The following SENP5 variants were observed in gnomAD, a reference collection of about 807,000 sequenced individuals.
The protein encoded by SENP5 is sentrin-specific protease 5.
SENP5 carries 21 observed loss-of-function variants against 74.2 expected under a neutral mutation model. The observed-to-expected ratio is 0.28, with a 90% CI of 0.20 to 0.41. The LOEUF is 0.41. SENP5 is among the 10% of genes least tolerant of loss of function. The pLI is 1.00. For synonymous variants in SENP5, 311 were observed against 312.7 expected (o/e 0.99, Z 0.06); for missense variants, 717 against 889.1 (o/e 0.81, Z 2.46).
intron 1 of SENP5, among the ~76,000 whole-genome samples, chr3:196,879,765 AGTT>A (rs1253751496): frequency 2.6e-5 from 4 of 151,992 alleles, no homozygotes; most frequent in Non-Finnish European, 5.9e-5. Context: ...CTTTTTTGTT[AGTT>A]GTTATGTTAG....
At chr3:196,909,372 A>G (rs1715030034) in intron 6 of SENP5, among the ~76,000 whole-genome samples, 1 of 152,246 alleles carries the variant, frequency 6.6e-6, no homozygotes, top group African/African-American at 2.4e-5. Context: ...AAACTATTTC[A>G]TAACAATTGA....
At chr3:196,926,539 T>A (rs1715819981) in intron 7 of SENP5, among the ~76,000 whole-genome samples, 1 of 152,026 alleles carries the variant, frequency 6.6e-6, no homozygotes, top group African/African-American at 2.4e-5. Flanking sequence ...TGAAGTTACT[T>A]CTTTAGAGGG....
intron 1 of SENP5, among the ~76,000 whole-genome samples, chr3:196,875,640 G>A (rs941492783): frequency 3.3e-5 from 5 of 152,104 alleles, no homozygotes; most frequent in Non-Finnish European, 7.4e-5. Context: ...TTTCTTCAGA[G>A]AAAAAATAAT....
chr3:196,922,515 T>C (rs1279757419), intron 6 of SENP5, among the ~76,000 whole-genome samples: 2 of 152,160 alleles, frequency 1.3e-5, no homozygotes, highest in Non-Finnish European at 2.9e-5. Flanking sequence ...AGAGGTGTGA[T>C]CATGGCTCAC....
At chr3:196,904,290 G>T (rs1342088925) in intron 6 of SENP5, among the ~76,000 whole-genome samples, 1 of 152,208 alleles carries the variant, frequency 6.6e-6, no homozygotes, top group Non-Finnish European at 1.5e-5. Flanking sequence ...TCTTTGAAGA[G>T]ATCCCATTTC....
intron 2 of SENP5, among the ~76,000 whole-genome samples, chr3:196,890,867 G>A (rs1714172206): frequency 6.6e-6 from 1 of 152,150 alleles, no homozygotes; most frequent in Non-Finnish European, 1.5e-5. Context: ...TAAAATTATA[G>A]CACATCCAAG....
At position 196,928,954 on chromosome 3, in the gene SENP5, C is replaced by CAA. The variant is rs938865589; in HGVS notation, c.2107-677_2107-676dup. On this transcript the variant is annotated intron_variant, in intron 8 of 9. Transcript: ENST00000323460. The stretch of plus-strand genomic sequence containing the variant: ...CCTGTAATCCCAGCACTTTGGGAGG[C>CAA]AAAGGTGCGTGGATTGCGTGAGTCT... Among the ~76,000 whole-genome samples, 6 of 152,210 alleles carry CAA rather than the reference C, an allele frequency of 3.9e-5. 1 individual carries two copies. The highest frequency in any genetic ancestry group is 3.9e-4 in the Admixed American group (6 of 15,296).
intron 1 of SENP5, among the ~76,000 whole-genome samples, chr3:196,874,594 A>G (rs1437528728): frequency 6.6e-6 from 1 of 151,880 alleles, no homozygotes; most frequent in Non-Finnish European, 1.5e-5. Flanking sequence ...TTTATTTCTT[A>G]AATCCTGGAG....
intron 6 of SENP5, among the ~76,000 whole-genome samples, chr3:196,911,068 T>C (rs1443625050): frequency 6.6e-6 from 1 of 151,980 alleles, no homozygotes; most frequent in Non-Finnish European, 1.5e-5. Flanking sequence ...AAAAATTAAC[T>C]CAAGATGAAT....
intron 7 of SENP5, among the ~76,000 whole-genome samples, chr3:196,927,264 G>T (rs1185204923): frequency 6.6e-6 from 1 of 152,126 alleles, no homozygotes; most frequent in East Asian, 1.9e-4. Context: ...CCTTTCCTCT[G>T]TTGAGCATGG....
chr3:196,916,837 A>T (rs868248580), intron 6 of SENP5, among the ~76,000 whole-genome samples: 3 of 152,094 alleles, frequency 2.0e-5, no homozygotes, highest in East Asian at 1.9e-4. Flanking sequence ...ATATTTTTTT[A>T]AAAAAATAAG....
chr3:196,888,758 A>G (rs66623325), intron 2 of SENP5, among the ~76,000 whole-genome samples: 28,889 of 151,988 alleles, frequency 0.19, 3,516 homozygotes, highest in Non-Finnish European at 0.24. Flanking sequence ...GGAGCTAGTT[A>G]GGAGGTTTAT....
At chr3:196,920,085 GT>G (rs1406783834) in intron 6 of SENP5, among the ~76,000 whole-genome samples, 1 of 152,132 alleles carries the variant, frequency 6.6e-6, no homozygotes, top group Non-Finnish European at 1.5e-5. Flanking sequence ...TTTAAAATTA[GT>G]TTGTCAAACT....
At chr3:196,875,439 G>C (rs773909812) in intron 1 of SENP5, among the ~76,000 whole-genome samples, 8 of 152,090 alleles carry the variant, frequency 5.3e-5, no homozygotes, top group Non-Finnish European at 7.4e-5. Flanking sequence ...ATATGAATCA[G>C]ATCTTTGTCT....
chr3:196,902,821 T>C (rs1714752021), intron 5 of SENP5, among the ~76,000 whole-genome samples: 1 of 152,244 alleles, frequency 6.6e-6, no homozygotes, highest in Non-Finnish European at 1.5e-5. Context: ...GAAATAATCA[T>C]GCCAAGGCCT....
Position 196,871,320 on chromosome 3 carries a change from AGTT to A in SENP5, c.-32+3255_-32+3257del, listed in dbSNP as rs552884964. Among the ~76,000 whole-genome samples, 354 of 152,320 alleles carry A rather than the reference AGTT, an allele frequency of 2.3e-3. 2 individuals are homozygous for A. The highest frequency in any genetic ancestry group is 7.8e-3 in the African/African-American group (326 of 41,576). Reference sequence around the variant, plus strand: ...TGGAATACCTTAATTCTGAAGTTTTAGTTGTTGTTGAATTTCACATTCTGACAG... The same window carrying A: ...TGGAATACCTTAATTCTGAAGTTTTAGTTGTTGAATTTCACATTCTGACAG... On this transcript the variant is annotated intron_variant, in intron 1 of 9. Transcript: ENST00000323460.
intron 2 of SENP5, among the ~76,000 whole-genome samples, chr3:196,897,576 G>C (rs928231918): frequency 6.6e-6 from 1 of 152,200 alleles, no homozygotes; most frequent in South Asian, 2.1e-4. Flanking sequence ...TCACTTCTTT[G>C]TCTGTCTCTC....
chr3:196,889,112 T>A (rs1287061224), intron 2 of SENP5, among the ~76,000 whole-genome samples: 3 of 151,346 alleles, frequency 2.0e-5, no homozygotes, highest in Admixed American at 1.3e-4. Context: ...CAAGACTCTG[T>A]CTCAAAAAAA....
At chr3:196,929,513 C>CA in intron 8 of SENP5, 120 bp from the exon 9 acceptor site, 1 of 596,644 alleles carries the variant, frequency 1.7e-6, no homozygotes, top group Non-Finnish European at 2.9e-6. Context: ...TCAGATATAC[C>CA]AGCTGTCCTG....
Sources: gnomAD v4.1 joint callset for allele counts (sites outside exome capture counted in the v4.1 genomes callset) on GRCh38, gnomAD v4.1.1 for gene constraint, MANE v1.5 for transcripts, NCBI Gene and HGNC (gene_info 2026-07-23, HGNC 2026-07-21) for gene names.